The following CALD1 variants were observed in gnomAD, a reference collection of about 807,000 sequenced individuals.
The protein encoded by CALD1 is caldesmon.
A neutral mutation model predicts 99.9 loss-of-function variants in CALD1; 33 were observed. The ratio of observed to expected loss-of-function variants is 0.33; its 90% CI spans 0.25 to 0.44. CALD1 has a LOEUF of 0.44. Among genes scored for constraint, CALD1 ranks in the 20% least tolerant of loss-of-function variants. CALD1 has a pLI of 1.00. For missense variants in CALD1, 861 were observed against 962.1 expected, an observed-to-expected ratio of 0.89 and a Z score of 1.39; for synonymous variants, 310 against 325.0, an observed-to-expected ratio of 0.95 and a Z score of 0.50.
chr7:134,830,770 T>A (rs370623970), intron 1 of CALD1, among the ~76,000 whole-genome samples: 4 of 152,082 alleles, frequency 2.6e-5, no homozygotes, highest in South Asian at 2.1e-4. Context: ...GGCAATATAT[T>A]TTTTTTGGTG....
intron 2 of CALD1, among the ~76,000 whole-genome samples, chr7:134,859,768 G>C (rs941847599): frequency 1.3e-5 from 2 of 152,200 alleles, no homozygotes; most frequent in Non-Finnish European, 2.9e-5. Context: ...GGTGATATTT[G>C]TGATAACACT....
intron 2 of CALD1, among the ~76,000 whole-genome samples, chr7:134,851,406 TC>T (rs1377110377): frequency 6.6e-6 from 1 of 152,116 alleles, no homozygotes. Flanking sequence ...AACCTACCTA[TC>T]CCTGTTTCTA....
At chr7:134,848,418 C>A (rs1799942090) in intron 2 of CALD1, among the ~76,000 whole-genome samples, 1 of 152,122 alleles carries the variant, frequency 6.6e-6, no homozygotes, top group Non-Finnish European at 1.5e-5. Flanking sequence ...GTTTTACTGA[C>A]AGGGGAAAAG....
rs779197293 is a variant in CALD1, at chr7:134,935,669, C to T, written c.1309-19C>T. ...GCTTCTTTTACTTGTGTGACCTTACCATTCTTGAAAATAAAAAGGGAGAAG... is the reference window on the plus strand; with the variant it reads ...GCTTCTTTTACTTGTGTGACCTTACTATTCTTGAAAATAAAAAGGGAGAAG... On this transcript the variant is annotated intron_variant, in intron 5 of 14. Coordinates refer to ENST00000361675, the MANE Select transcript of CALD1 (RefSeq NM_033138.4). 1 of 1,598,354 alleles carries T rather than the reference C, an allele frequency of 6.3e-7. No individual in the cohort carries two copies. Among genetic ancestry groups the T allele is most frequent in the Non-Finnish European group, 8.5e-7 (1 of 1,172,838 alleles).
At chr7:134,871,491 AAC>A (rs1300650733) in intron 3 of CALD1, among the ~76,000 whole-genome samples, 30 of 152,210 alleles carry the variant, frequency 2.0e-4, no homozygotes, top group Admixed American at 6.5e-5. Flanking sequence ...CCCACAGAGT[AAC>A]AGTGTTGGGA....
intron 6 of CALD1, among the ~76,000 whole-genome samples, chr7:134,940,524 C>T (rs1187964406): frequency 6.6e-6 from 1 of 152,174 alleles, no homozygotes; most frequent in Non-Finnish European, 1.5e-5. Context: ...TTTGGATCCT[C>T]CTACTAAAGG....
chr7:134,869,169 T>C (rs1195994330), intron 3 of CALD1, among the ~76,000 whole-genome samples: 1 of 151,956 alleles, frequency 6.6e-6, no homozygotes, highest in Non-Finnish European at 1.5e-5. Flanking sequence ...AGGTGAGCCA[T>C]GGAGGAGGTA....
intron 7 of CALD1, among the ~76,000 whole-genome samples, chr7:134,943,018 A>T (rs1806574455): frequency 6.6e-6 from 1 of 152,208 alleles, no homozygotes; most frequent in Non-Finnish European, 1.5e-5. Flanking sequence ...GGAAAAAAAA[A>T]TACAGGAACA....
intron 3 of CALD1, among the ~76,000 whole-genome samples, chr7:134,925,113 TAGAA>T (rs1479551211): frequency 3.3e-5 from 5 of 152,178 alleles, no homozygotes; most frequent in Non-Finnish European, 1.5e-5. Flanking sequence ...CTGTGTATCC[TAGAA>T]AATGGGCTCC....
intron 1 of CALD1, among the ~76,000 whole-genome samples, chr7:134,820,047 G>T (rs1331249834): frequency 6.6e-6 from 1 of 152,184 alleles, no homozygotes; most frequent in Non-Finnish European, 1.5e-5. Flanking sequence ...TTGTTAATGT[G>T]CTTCTTTTTT....
intron 1 of CALD1, among the ~76,000 whole-genome samples, chr7:134,827,443 T>C (rs961205507): frequency 6.6e-6 from 1 of 152,244 alleles, no homozygotes; most frequent in Admixed American, 6.5e-5. Context: ...TATACTGTTA[T>C]ACACGTTACC....
intron 3 of CALD1, among the ~76,000 whole-genome samples, chr7:134,898,819 T>C (rs982913494): frequency 6.6e-6 from 1 of 152,208 alleles, no homozygotes; most frequent in Non-Finnish European, 1.5e-5. Context: ...CCTCCCAAAG[T>C]GCCGGCATTA....
At chr7:134,928,926 T>C (rs1805275089) in intron 4 of CALD1, 26 bp downstream of exon 4, 1 of 1,582,518 alleles carries the variant, frequency 6.3e-7, no homozygotes, top group East Asian at 2.3e-5. Flanking sequence ...GGACGGGGAG[T>C]TTCTAACTTG....
chr7:134,753,957 C>T (rs1796706687), intron 1 of CALD1, among the ~76,000 whole-genome samples: 1 of 152,222 alleles, frequency 6.6e-6, no homozygotes, highest in Non-Finnish European at 1.5e-5. Flanking sequence ...TCTGATTCAA[C>T]CATCTCAGTT....
At chr7:134,941,883 C>T (rs1806474705) in intron 7 of CALD1, among the ~76,000 whole-genome samples, 2 of 152,100 alleles carry the variant, frequency 1.3e-5, no homozygotes, top group African/African-American at 4.8e-5. Flanking sequence ...CAACATAATC[C>T]CTTACCCCAT....
intron 1 of CALD1, among the ~76,000 whole-genome samples, chr7:134,797,159 A>AT (rs1213060756): frequency 1.3e-5 from 2 of 151,932 alleles, no homozygotes; most frequent in Admixed American, 6.5e-5. Context: ...TAAAAACTTT[A>AT]TTTTTTGTAG....
intron 6 of CALD1, among the ~76,000 whole-genome samples, chr7:134,936,192 C>G (rs1258573811): frequency 1.3e-5 from 2 of 152,126 alleles, no homozygotes; most frequent in African/African-American, 4.8e-5. Flanking sequence ...AATGCTTTAA[C>G]TTTTCAAAGG....
chr7:134,741,079 T>C (rs1407756464), upstream of CALD1, among the ~76,000 whole-genome samples: 1 of 152,208 alleles, frequency 6.6e-6, no homozygotes, highest in African/African-American at 2.4e-5. Context: ...CTGATACTCC[T>C]ATCCCACATG....
chr7:134,863,126 C>T (rs1800633706), intron 2 of CALD1, among the ~76,000 whole-genome samples: 1 of 152,136 alleles, frequency 6.6e-6, no homozygotes, highest in Admixed American at 6.5e-5. Context: ...ATCACCTCAT[C>T]TTGACTACAT....
Sources: allele counts gnomAD v4.1 joint callset (sites outside exome capture counted in the v4.1 genomes callset), GRCh38; gene constraint gnomAD v4.1.1; transcripts MANE v1.5; gene names NCBI Gene and HGNC (gene_info 2026-07-23, HGNC 2026-07-21).